PRICKLE1: variants seen among roughly 807,000 people sequenced by gnomAD.
The protein encoded by PRICKLE1 is prickle planar cell polarity protein 1.
In PRICKLE1, 14 loss-of-function variants were observed where a neutral mutation model predicts 70.2. The ratio of observed to expected loss-of-function variants is 0.20; its 90% CI spans 0.13 to 0.31. The LOEUF is 0.31. Ranked by LOEUF, PRICKLE1 falls within the 10% of genes least tolerant of loss-of-function variation. The pLI is 1.00. For missense variants in PRICKLE1, 821 were observed against 1,026.2 expected (o/e 0.80, Z 2.73); for synonymous variants, 357 against 379.9 (o/e 0.94, Z 0.70).
chr12:42,532,175 T>G (rs12827238), intron 1 of PRICKLE1, among the ~76,000 whole-genome samples: 7,555 of 152,148 alleles, frequency 0.05, 242 homozygotes, highest in South Asian at 0.089. Flanking sequence ...AAAAAATAAA[T>G]AAAGAAAGAA....
intron 1 of PRICKLE1, among the ~76,000 whole-genome samples, chr12:42,513,213 C>T (rs1593147965): frequency 2.0e-5 from 3 of 152,082 alleles, no homozygotes; most frequent in Admixed American, 6.6e-5. Context: ...CCGCCCCCCT[C>T]GGCATCCCAA....
intron 7 of PRICKLE1, among the ~76,000 whole-genome samples, chr12:42,461,716 T>A (rs924340777): frequency 1.2e-4 from 19 of 152,232 alleles, no homozygotes; most frequent in African/African-American, 4.1e-4. Context: ...TCTTTTGATA[T>A]AATAGGACCC....
Position 42,470,255 on chromosome 12 carries a change from A to G in PRICKLE1, c.237T>C (p.His79=). 2 of 1,607,760 alleles carry G rather than the reference A, an allele frequency of 1.2e-6. No homozygotes were observed. The highest frequency in any genetic ancestry group is 2.2e-5 in the South Asian group (2 of 90,946). ...IKQLLYQLPP[H]DNEVRYCQSL... is the part of the protein sequence containing the mutation. ...CTTCCTGCTATTTTACCTCATTATC[A>G]TGTGGTGGTAACTGGTACAAAAGCT... is the stretch of plus-strand genomic sequence containing the variant. The change falls in exon 3 of 8, where the codon CAT becomes CAC. Residue 79 remains histidine (H), a synonymous_variant. Transcript: ENST00000345127.
At chr12:42,479,975 T>C (rs1315414507) in intron 1 of PRICKLE1, among the ~76,000 whole-genome samples, 3 of 152,050 alleles carry the variant, frequency 2.0e-5, no homozygotes, top group African/African-American at 7.2e-5. Flanking sequence ...AAAATTCCAT[T>C]ATTCATCTCC....
At chr12:42,461,280 C>T (rs1213533143) in intron 7 of PRICKLE1, among the ~76,000 whole-genome samples, 1 of 152,198 alleles carries the variant, frequency 6.6e-6, no homozygotes, top group Non-Finnish European at 1.5e-5. Flanking sequence ...TCACAGCAGC[C>T]TGTTCATTCA....
intron 1 of PRICKLE1, among the ~76,000 whole-genome samples, chr12:42,505,933 G>T (rs1015670705): frequency 6.6e-6 from 1 of 152,160 alleles, no homozygotes; most frequent in Non-Finnish European, 1.5e-5. Flanking sequence ...TTTGTACCTA[G>T]GTGTAGGAAC....
chr12:42,538,893 C>G (rs973023922), intron 1 of PRICKLE1, among the ~76,000 whole-genome samples: 2 of 152,046 alleles, frequency 1.3e-5, no homozygotes, highest in Non-Finnish European at 2.9e-5. Flanking sequence ...GACATTAGGT[C>G]TTTTATCTAA....
intron 1 of PRICKLE1, among the ~76,000 whole-genome samples, chr12:42,583,690 A>G (rs1180898518): frequency 1.3e-5 from 2 of 152,226 alleles, no homozygotes; most frequent in African/African-American, 4.8e-5. Context: ...AGTAATATTT[A>G]TTACATGATG....
chr12:42,470,187 A>C, intron 3 of PRICKLE1, 59 bp downstream of exon 3: 2 of 1,218,638 alleles, frequency 1.6e-6, no homozygotes, highest in Non-Finnish European at 2.4e-6. Context: ...GCAGCATCTC[A>C]ATGCTTCTCA....
chr12:42,519,240 A>C (rs952201563), intron 1 of PRICKLE1, among the ~76,000 whole-genome samples: 43 of 113,328 alleles, frequency 3.8e-4, no homozygotes, highest in African/African-American at 1.4e-3. Context: ...CTTGTCACCC[A>C]GTCTGGAGTG....
chr12:42,513,051 C>T (rs1000235272), intron 1 of PRICKLE1, among the ~76,000 whole-genome samples: 1 of 152,108 alleles, frequency 6.6e-6, no homozygotes, highest in African/African-American at 2.4e-5. Context: ...CTGCAGCCTT[C>T]ACCTCCTGGG....
chr12:42,477,464 A>ATGTG (rs1242662444), intron 1 of PRICKLE1, among the ~76,000 whole-genome samples: 3,032 of 106,470 alleles, frequency 0.028, 111 homozygotes, highest in South Asian at 0.042. Context: ...ATACGTATAT[A>ATGTG]TGTGTGTGTG....
At position 42,466,369 on chromosome 12, in the gene PRICKLE1, A is replaced by G. The variant is rs1025500351; in HGVS notation, c.600T>C (p.Ala200=). 6.2e-7 allele frequency: 1 copy of G among 1,614,068 alleles called. No homozygotes were observed. Among genetic ancestry groups the G allele is most frequent in the Non-Finnish European group, 8.5e-7 (1 of 1,179,990 alleles). ...RCSACDEIIF[A]DECTEAEGRH... ...GACCCTCAGCTTCTGTGCACTCATC[A>G]GCAAAAATTATCTTCAAAAAGAAAT... Residue 200 remains alanine, a synonymous_variant, in exon 6 of 8, where the codon GCT becomes GCC. Transcript: ENST00000345127.
At chr12:42,472,260 A>G (rs1437297396) in intron 2 of PRICKLE1, 125 bp downstream of exon 2, 1 of 1,094,464 alleles carries the variant, frequency 9.1e-7, no homozygotes, top group Non-Finnish European at 1.4e-6. Flanking sequence ...ACAAAGAAGA[A>G]TAAGGACTGA....
intron 1 of PRICKLE1, among the ~76,000 whole-genome samples, chr12:42,513,097 CATT>C (rs1939544940): frequency 6.6e-6 from 1 of 152,052 alleles, no homozygotes. Flanking sequence ...TCCCGAGTAA[CATT>C]ACAGGCGCCT....
At chr12:42,507,386 T>A (rs1939439054) in intron 1 of PRICKLE1, among the ~76,000 whole-genome samples, 1 of 151,840 alleles carries the variant, frequency 6.6e-6, no homozygotes, top group Non-Finnish European at 1.5e-5. Flanking sequence ...ATGGAAAGGG[T>A]TTTGAACCCT....
rs1488118374 is a variant in PRICKLE1 at position 42,457,862 on chromosome 12, G to A, written c.*1947C>T. 1 of 152,266 alleles carries A rather than the reference G, an allele frequency of 6.6e-6. No homozygotes were observed. The highest frequency in any genetic ancestry group is 2.4e-5 in the African/African-American group (1 of 41,456). 9.4% of individuals were successfully genotyped at this position (152,266 alleles called of 1,614,324 possible). On this transcript the variant is annotated 3_prime_UTR_variant, in exon 8 of 8. Coordinates refer to ENST00000345127, the MANE Select transcript of PRICKLE1 (RefSeq NM_153026.3). Reference sequence around the variant, plus strand: ...CTGGGTAAGAGTGGTTACTTCTGGGGAGAGGACCTGGGGGACTGGGATGAA... The same window carrying A: ...CTGGGTAAGAGTGGTTACTTCTGGGAAGAGGACCTGGGGGACTGGGATGAA...
rs117793055 is a variant in PRICKLE1, at chr12:42,502,565, C to T, written c.-48-30001G>A. ...GGCTCAAGCAATCTTCCTGCCTTGG[C>T]CTCTCAAAGTGTTGGGGTTACAAGC... On this transcript the variant is annotated intron_variant, in intron 1 of 7. Transcript: ENST00000345127. Among the ~76,000 whole-genome samples, 1,171 of 152,184 alleles carry T rather than the reference C, an allele frequency of 7.7e-3. 35 individuals are homozygous for T. The East Asian group carries it at 0.091, about 12-fold the overall frequency.
intron 1 of PRICKLE1, among the ~76,000 whole-genome samples, chr12:42,558,466 T>C (rs1203366173): frequency 6.6e-6 from 1 of 152,232 alleles, no homozygotes; most frequent in African/African-American, 2.4e-5. Flanking sequence ...GGGCAAACTT[T>C]CTTTAAAATT....
Sources: gnomAD v4.1 joint callset for allele counts (sites outside exome capture counted in the v4.1 genomes callset) on GRCh38, gnomAD v4.1.1 for gene constraint, MANE v1.5 for transcripts, NCBI Gene and HGNC (gene_info 2026-07-23, HGNC 2026-07-21) for gene names.